The following SLCO1C1 variants were observed in gnomAD, a reference collection of about 807,000 sequenced individuals.
SLCO1C1 encodes OAT-RP-5.
In SLCO1C1, 70 loss-of-function variants were observed where a neutral mutation model predicts 76.4. The ratio of observed to expected loss-of-function variants is 0.92; its 90% CI spans 0.76 to 1.12. SLCO1C1 has a LOEUF of 1.12. SLCO1C1 is among the 50% of genes most tolerant of loss of function. The pLI is 0.00. For synonymous variants in SLCO1C1, 306 were observed against 286.1 expected (o/e 1.07, Z -0.70); for missense variants, 912 against 823.8 (o/e 1.11, Z -1.31).
chr12:20,741,737 TATA>T (rs67870082), intron 12 of SLCO1C1, among the ~76,000 whole-genome samples: 65,930 of 151,728 alleles, frequency 0.43, 17,014 homozygotes, highest in South Asian at 0.63. Context: ...AAGTCTCAGT[TATA>T]ATATTTTCAT....
chr12:20,732,755 T>C (rs1948348039), intron 9 of SLCO1C1, among the ~76,000 whole-genome samples, 154 bp from the exon 10 acceptor site: 1 of 152,172 alleles, frequency 6.6e-6, no homozygotes, highest in African/African-American at 2.4e-5. Context: ...ATCTATAACC[T>C]AGATACTCAT....
At chr12:20,732,562 C>T (rs1948333254) in intron 9 of SLCO1C1, among the ~76,000 whole-genome samples, 2 of 152,104 alleles carry the variant, frequency 1.3e-5, no homozygotes, top group African/African-American at 4.8e-5. Context: ...ATTCTATGTG[C>T]CTATTATTTT....
intron 5 of SLCO1C1, among the ~76,000 whole-genome samples, chr12:20,712,448 C>T (rs936920118): frequency 6.6e-6 from 1 of 152,088 alleles, no homozygotes; most frequent in Admixed American, 6.6e-5. Context: ...TGAATTTGTC[C>T]ATAGGTGTTT....
At chr12:20,729,091 G>C (rs941039828) in intron 9 of SLCO1C1, among the ~76,000 whole-genome samples, 2 of 152,078 alleles carry the variant, frequency 1.3e-5, no homozygotes, top group Non-Finnish European at 2.9e-5. Flanking sequence ...TGTGGGTGGA[G>C]AATAAATCAA....
chr12:20,713,250 T>G (rs906487135), intron 5 of SLCO1C1, among the ~76,000 whole-genome samples: 10 of 151,702 alleles, frequency 6.6e-5, no homozygotes, highest in Admixed American at 1.3e-4. Flanking sequence ...CGGCTAATTT[T>G]TTGTATTTTT....
rs1198837950 is a variant in SLCO1C1 at position 20,723,193 on chromosome 12, C to T, written c.1125C>T (p.Tyr375=). Residue 375 remains tyrosine, a synonymous_variant, in exon 9 of 15, where the codon TAC becomes TAT. Transcript: ENST00000266509. ...ATTCTCTGTTCGGCATGGTGACGTACAAACCAAAGTACATTGAGCAGCAGT... is the reference window on the plus strand; with the variant it reads ...ATTCTCTGTTCGGCATGGTGACGTATAAACCAAAGTACATTGAGCAGCAGT... ...QFNSLFGMVT[Y]KPKYIEQQYG... 6.2e-7 allele frequency: 1 copy of T among 1,614,170 alleles called. No homozygotes were observed. The highest frequency in any genetic ancestry group is 2.2e-5 in the East Asian group (1 of 44,880).
At chr12:20,731,851 AAATT>A (rs1310460236) in intron 9 of SLCO1C1, among the ~76,000 whole-genome samples, 1 of 146,986 alleles carries the variant, frequency 6.8e-6, no homozygotes. Flanking sequence ...GAATGGATAG[AAATT>A]AATTGCATGA....
At chr12:20,729,187 T>A (rs972009592) in intron 9 of SLCO1C1, among the ~76,000 whole-genome samples, 23 of 152,228 alleles carry the variant, frequency 1.5e-4, no homozygotes, top group African/African-American at 5.5e-4. Context: ...TCTTATATGA[T>A]GTGAAGGAAA....
At chr12:20,711,153 C>T (rs1756064098) in intron 4 of SLCO1C1, among the ~76,000 whole-genome samples, 1 of 152,170 alleles carries the variant, frequency 6.6e-6, no homozygotes, top group South Asian at 2.1e-4. Flanking sequence ...TCTTGGGCCA[C>T]ATGCAACCCA....
chr12:20,713,673 A>C (rs1444844139), intron 5 of SLCO1C1, among the ~76,000 whole-genome samples: 2 of 152,186 alleles, frequency 1.3e-5, no homozygotes, highest in Non-Finnish European at 2.9e-5. Flanking sequence ...CCCCTGCAAC[A>C]ATCTACAGCA....
At chr12:20,711,790 G>C (rs941786710) in intron 5 of SLCO1C1, among the ~76,000 whole-genome samples, 1 of 152,178 alleles carries the variant, frequency 6.6e-6, no homozygotes, top group East Asian at 1.9e-4. Flanking sequence ...TGAAAGCAGG[G>C]TGAAACTAGT....
intron 3 of SLCO1C1, among the ~76,000 whole-genome samples, chr12:20,705,511 T>C (rs1393520951): frequency 6.6e-6 from 1 of 152,054 alleles, no homozygotes; most frequent in Non-Finnish European, 1.5e-5. Context: ...CTATAAAAGA[T>C]ATCAGCTAAA....
intron 10 of SLCO1C1, among the ~76,000 whole-genome samples, chr12:20,734,642 T>C (rs1187284289): frequency 6.6e-6 from 1 of 152,218 alleles, no homozygotes; most frequent in Non-Finnish European, 1.5e-5. Flanking sequence ...ACATTCTTTC[T>C]GCATCATAAT....
Position 20,733,103 on chromosome 12 carries a change from G to C in SLCO1C1, c.1381G>C (p.Gly461Arg). 1 of 1,560,220 alleles carries C rather than the reference G, an allele frequency of 6.4e-7. No homozygotes were observed. Among genetic ancestry groups the C allele is most frequent in the Non-Finnish European group, 8.6e-7 (1 of 1,158,360 alleles). The change falls in exon 10 of 15, where the codon GGA becomes CGA. Residue 461 changes from glycine (G) to arginine (R), a missense_variant and splice_region_variant. By Grantham distance (125) the Gly-to-Arg change is moderately radical. Coordinates refer to ENST00000266509, the MANE Select transcript of SLCO1C1 (RefSeq NM_017435.5). ...DVAGLTVSYQ[G>R]TKPVSYHERA... Reference sequence around the variant, plus strand: ...GGCAGGACTAACTGTCTCCTACCAAGGGTATGTTCCCTCATTAAATAGTTT... The same window carrying C: ...GGCAGGACTAACTGTCTCCTACCAACGGTATGTTCCCTCATTAAATAGTTT...
At chr12:20,737,878 C>T (rs1268129802) in intron 11 of SLCO1C1, among the ~76,000 whole-genome samples, 2 of 152,082 alleles carry the variant, frequency 1.3e-5, no homozygotes, top group Non-Finnish European at 2.9e-5. Context: ...GTCCAGGCTG[C>T]TATAACAAAT....
Position 20,732,927 on chromosome 12 carries a change from C to T in SLCO1C1, c.1205C>T (p.Ala402Val), listed in dbSNP as rs1395158649. The change falls in exon 10 of 15, where the codon GCA becomes GTA. Residue 402 changes from alanine to valine, a missense_variant. Physicochemically the swap from Ala to Val is moderately conservative, Grantham distance 64. Transcript: ENST00000266509. The part of the protein sequence containing the change: ...NFVIGLINIP[A>V]VALGIFSGGI... Reference sequence around the variant, plus strand: ...TTCTCAGGGCTCATCAACATTCCAGCAGTGGCCCTTGGAATATTCTCTGGG... The same window carrying T: ...TTCTCAGGGCTCATCAACATTCCAGTAGTGGCCCTTGGAATATTCTCTGGG... The T allele has an allele frequency of 6.2e-7, 1 of 1,613,972 alleles. No individual in the cohort carries two copies.
chr12:20,715,173 T>C lies in SLCO1C1; in HGVS notation c.564T>C (p.Ile188=). 6.2e-7 allele frequency: 1 copy of C among 1,614,114 alleles called. No individual in the cohort carries two copies. The highest frequency in any genetic ancestry group is 1.1e-5 in the South Asian group (1 of 91,076). The change falls in exon 6 of 15, where the codon ATT becomes ATC. Residue 188 remains isoleucine (I), a synonymous_variant. Coordinates refer to ENST00000266509, the MANE Select transcript of SLCO1C1 (RefSeq NM_017435.5). The part of the protein sequence containing the change: ...CEVDTSSSMW[I]YVFLGNLLRG... ...TGGACACTAGCTCTTCCATGTGGAT[T>C]TATGTTTTCCTGGGCAATCTTCTTC...
intron 9 of SLCO1C1, among the ~76,000 whole-genome samples, chr12:20,724,409 GTGTA>G (rs1464282284): frequency 0.053 from 3,359 of 63,834 alleles, 60 homozygotes; most frequent in Non-Finnish European, 0.06. Context: ...GTGTGTGTGT[GTGTA>G]TATATATATA....
rs185367640 is a variant in SLCO1C1, at chr12:20,698,475, C to T, written c.-25-1077C>T. On this transcript the variant is annotated intron_variant, in intron 1 of 14. Coordinates refer to ENST00000266509, the MANE Select transcript of SLCO1C1 (RefSeq NM_017435.5). ...TTCATATTATTAATACAAAGCAAAT[C>T]GTTTATACTATTACTTGATTTTTCA... Among the ~76,000 whole-genome samples, 459 of 152,024 alleles carry T rather than the reference C, an allele frequency of 3.0e-3. 1 individual carries two copies. The highest frequency in any genetic ancestry group is 0.011 in the East Asian group (55 of 5,148).
Sources: gnomAD v4.1 joint callset for allele counts (sites outside exome capture counted in the v4.1 genomes callset) on GRCh38, gnomAD v4.1.1 for gene constraint, MANE v1.5 for transcripts, NCBI Gene and HGNC (gene_info 2026-07-23, HGNC 2026-07-21) for gene names.